SPTBN1: variants seen among roughly 807,000 people sequenced by gnomAD.
SPTBN1 encodes the protein spectrin beta chain, non-erythrocytic 1.
Under a neutral mutation model 266.4 loss-of-function variants are expected in SPTBN1, and 32 were observed. The ratio of observed to expected loss-of-function variants is 0.12; its 90% CI spans 0.09 to 0.16. The LOEUF (loss-of-function observed/expected upper bound fraction) is 0.16. Ranked by LOEUF, SPTBN1 falls within the 10% of genes least tolerant of loss-of-function variation. The probability of loss-of-function intolerance (pLI) is 1.00; values close to 1 mark genes in which losing one functional copy is unlikely to be tolerated. For synonymous variants in SPTBN1, 1,336 were observed against 1,162.2 expected (o/e 1.15, Z -3.04); for missense variants, 2,296 against 3,067.1 (o/e 0.75, Z 5.94).
chr2:54,570,191 G>A (rs902000809), intron 2 of SPTBN1, among the ~76,000 whole-genome samples: 3 of 152,200 alleles, frequency 2.0e-5, no homozygotes, highest in Non-Finnish European at 4.4e-5. Flanking sequence ...CCATGGGTGT[G>A]TTGAATGCCT....
intron 2 of SPTBN1, among the ~76,000 whole-genome samples, chr2:54,551,896 G>A (rs1672586421): frequency 6.6e-6 from 1 of 151,932 alleles, no homozygotes; most frequent in South Asian, 2.1e-4. Flanking sequence ...ATAAACATTG[G>A]CTTTTCTAAA....
At chr2:54,477,712 G>C (rs1396141488) in intron 1 of SPTBN1, among the ~76,000 whole-genome samples, 1 of 152,118 alleles carries the variant, frequency 6.6e-6, no homozygotes, top group Non-Finnish European at 1.5e-5. Context: ...AGGAGTTCGA[G>C]ACCAGCCTGG....
intron 3 of SPTBN1, among the ~76,000 whole-genome samples, chr2:54,609,703 G>T (rs899285054): frequency 6.6e-6 from 1 of 152,108 alleles, no homozygotes; most frequent in Non-Finnish European, 1.5e-5. Flanking sequence ...ATGGGGTTCT[G>T]GGTGGGGGCA....
At chr2:54,498,982 T>G (rs1305382014) in intron 1 of SPTBN1, among the ~76,000 whole-genome samples, 1 of 149,940 alleles carries the variant, frequency 6.7e-6, no homozygotes, top group Non-Finnish European at 1.5e-5. Flanking sequence ...CCCAGGAGAC[T>G]TTGCATTTGC....
chr2:54,615,730 T>C (rs940711335), intron 4 of SPTBN1, among the ~76,000 whole-genome samples: 1 of 152,232 alleles, frequency 6.6e-6, no homozygotes, highest in Non-Finnish European at 1.5e-5. Flanking sequence ...GAGCGGCTTA[T>C]GAAGGCACAC....
intron 1 of SPTBN1, among the ~76,000 whole-genome samples, chr2:54,471,260 A>C (rs1411270771): frequency 6.6e-6 from 1 of 152,224 alleles, no homozygotes; most frequent in African/African-American, 2.4e-5. Context: ...CAGTGGTGGC[A>C]TGAGTAAGGT....
At chr2:54,612,777 G>C (rs1412987097) in intron 4 of SPTBN1, among the ~76,000 whole-genome samples, 1 of 151,590 alleles carries the variant, frequency 6.6e-6, no homozygotes, top group Non-Finnish European at 1.5e-5. Flanking sequence ...AGCTGTTGAG[G>C]GTTATGGCAT....
chr2:54,492,357 T>G (rs1668736595), intron 1 of SPTBN1, among the ~76,000 whole-genome samples: 1 of 151,020 alleles, frequency 6.6e-6, no homozygotes, highest in African/African-American at 2.4e-5. Context: ...TTGTTTTTTT[T>G]TTTTTTTGCT....
chr2:54,670,718 A>G lies in SPTBN1; in HGVS notation c.*2149A>G, dbSNP rs921057905. The G allele has an allele frequency of 4.0e-5, 16 of 398,536 alleles. No homozygotes were observed. Among genetic ancestry groups the G allele is most frequent in the African/African-American group, 2.9e-4 (14 of 48,632 alleles). 24.7% of individuals were successfully genotyped at this position (398,536 alleles called of 1,614,324 possible). A position where few individuals can be genotyped will look rare whatever the true frequency, so the allele number is the denominator to read the frequency against. On this transcript the variant is annotated 3_prime_UTR_variant, in exon 36 of 36. Transcript: ENST00000356805. ...TCCCATAATAAATACGTACATGTGG[A>G]ACATCGTGCACATAATTTCAACAGT...
In SPTBN1 at chr2:54,653,696, G is replaced by T; in HGVS notation, c.5665G>T (p.Val1889Phe). ...CGATATCCAGAAGCGCGAGAACGAG[G>T]TCCTGGAAGCCTGGAAGTCCCTCCT... The part of the protein sequence containing the change: ...ADDIQKRENE[V>F]LEAWKSLLDA... Residue 1889 changes from valine to phenylalanine, a missense_variant, in exon 27 of 36, where the codon GTC becomes TTC. By Grantham distance (50) the Val-to-Phe change is conservative. Transcript: ENST00000356805. The surrounding 1 kb of genome is among the most constrained non-coding windows in gnomAD (Gnocchi z 5.1). 3 of 1,614,212 alleles carry T rather than the reference G, an allele frequency of 1.9e-6. No individual in the cohort carries two copies. The highest frequency in any genetic ancestry group is 2.5e-6 in the Non-Finnish European group (3 of 1,180,024).
intron 1 of SPTBN1, among the ~76,000 whole-genome samples, chr2:54,518,306 G>T (rs561698008): frequency 6.6e-6 from 1 of 152,136 alleles, no homozygotes; most frequent in Non-Finnish European, 1.5e-5. Flanking sequence ...GCCTGTCATG[G>T]GGTGGGGAGA....
chr2:54,524,763 C>G (rs1670698451), intron 1 of SPTBN1, among the ~76,000 whole-genome samples: 1 of 152,250 alleles, frequency 6.6e-6, no homozygotes, highest in South Asian at 2.1e-4. Context: ...CCGCTGCCCA[C>G]TAGACTCAGC....
chr2:54,579,402 A>G (rs758529428), intron 2 of SPTBN1, among the ~76,000 whole-genome samples: 2 of 151,890 alleles, frequency 1.3e-5, no homozygotes, highest in African/African-American at 2.4e-5. Flanking sequence ...ATACAGTACC[A>G]CAAACCAGAA....
intron 1 of SPTBN1, among the ~76,000 whole-genome samples, chr2:54,464,462 G>C (rs917352049): frequency 3.9e-5 from 6 of 152,192 alleles, no homozygotes; most frequent in African/African-American, 1.4e-4. Flanking sequence ...ACTGTATTAA[G>C]TAAAAGACTG....
intron 9 of SPTBN1, among the ~76,000 whole-genome samples, chr2:54,622,707 A>G (rs182891867): frequency 1.3e-5 from 2 of 152,362 alleles, no homozygotes; most frequent in East Asian, 3.9e-4. Context: ...CATACAGGAT[A>G]TATGAGAATT....
At chr2:54,490,077 GA>G (rs201132090) in intron 1 of SPTBN1, among the ~76,000 whole-genome samples, 3,608 of 124,076 alleles carry the variant, frequency 0.029, 196 homozygotes, top group East Asian at 0.27. Context: ...ACAAGTTTAT[GA>G]ATTTTTTTTT....
intron 3 of SPTBN1, among the ~76,000 whole-genome samples, chr2:54,601,088 GT>G (rs749684388): frequency 5.3e-5 from 8 of 152,086 alleles, no homozygotes; most frequent in Non-Finnish European, 1.2e-4. Context: ...TTAGCAGTAA[GT>G]TTTTTTGTGG....
At chr2:54,587,858 C>T (rs985166915) in intron 2 of SPTBN1, among the ~76,000 whole-genome samples, 13 of 152,102 alleles carry the variant, frequency 8.5e-5, no homozygotes, top group African/African-American at 7.2e-5. Context: ...GAAGGGGCCC[C>T]GAGTTCACCC....
intron 35 of SPTBN1, 35 bp from the exon 36 acceptor site, chr2:54,668,316 A>T (rs1291004013): frequency 6.2e-7 from 1 of 1,604,338 alleles, no homozygotes; most frequent in East Asian, 2.2e-5. Flanking sequence ...GCCTACTCTT[A>T]GTTGAGTCTC....
Sources: gnomAD v4.1 joint callset for allele counts (sites outside exome capture counted in the v4.1 genomes callset) on GRCh38, gnomAD v4.1.1 for gene constraint, Gnocchi (gnomAD v3.1) non-coding constraint, MANE v1.5 for transcripts, NCBI Gene and HGNC (gene_info 2026-07-23, HGNC 2026-07-21) for gene names.